ALPL: variants seen among roughly 807,000 people sequenced by gnomAD.
The protein encoded by ALPL is alkaline phosphatase, biomineralization associated.
Under a neutral mutation model 51.3 loss-of-function variants are expected in ALPL, and 42 were observed. The observed-to-expected ratio is 0.82, with a 90% CI of 0.64 to 1.06. The LOEUF is 1.06. Among genes scored for constraint, ALPL ranks in the 50% least tolerant of loss-of-function variants. The pLI is 0.00. For missense variants in ALPL, 589 were observed against 709.4 expected (o/e 0.83, Z 1.93); for synonymous variants, 279 against 296.4 (o/e 0.94, Z 0.60).
At chr1:21,554,802 TG>T (rs879553305) in intron 2 of ALPL, among the ~76,000 whole-genome samples, 13,328 of 37,344 alleles carry the variant, frequency 0.36, 929 homozygotes, top group East Asian at 0.39. Context: ...TCTGTCTGTC[TG>T]TCTGTCTGTC....
rs1294833697 is a variant in ALPL, at chr1:21,527,033, CTTTTCT to C, written c.-105+17520_-105+17525del. Among the ~76,000 whole-genome samples, 201 of 149,292 alleles carry C rather than the reference CTTTTCT, an allele frequency of 1.3e-3. 1 individual carries two copies. The highest frequency in any genetic ancestry group is 4.8e-3 in the African/African-American group (197 of 41,084). On this transcript the variant is annotated intron_variant, in intron 1 of 11. Coordinates refer to ENST00000374840, the MANE Select transcript of ALPL (RefSeq NM_000478.6). ...TATTCTTGTTCTTTTCTTTTCTTTTCTTTTCTTTTCTTTCTTGAGATGGAGTTTCAC... is the reference window on the plus strand; with the variant it reads ...TATTCTTGTTCTTTTCTTTTCTTTTCTTTCTTTCTTGAGATGGAGTTTCAC...
At chr1:21,552,105 T>TCCCCCCCCCCCCCCCCCCCCC (rs1558542001) in intron 1 of ALPL, among the ~76,000 whole-genome samples, 1 of 22,844 alleles carries the variant, frequency 4.4e-5, no homozygotes, top group Non-Finnish European at 7.0e-5. Context: ...TCCCTTCCCT[T>TCCCCCCCCCCCCCCCCCCCCC]TCCTCCCCTT....
chr1:21,547,602 C>G (rs1479186908), intron 1 of ALPL, among the ~76,000 whole-genome samples: 1 of 152,214 alleles, frequency 6.6e-6, no homozygotes, highest in Non-Finnish European at 1.5e-5. Context: ...TCCATTTGTT[C>G]TCGTGAGATG....
At chr1:21,533,599 G>A (rs984570141) in intron 1 of ALPL, among the ~76,000 whole-genome samples, 1 of 152,062 alleles carries the variant, frequency 6.6e-6, no homozygotes, top group African/African-American at 2.4e-5. Flanking sequence ...CAAGACCAAG[G>A]TCTTTCCACC....
intron 9 of ALPL, 139 bp from the exon 10 acceptor site, chr1:21,575,594 C>G (rs1473635847): frequency 9.8e-7 from 1 of 1,017,150 alleles, no homozygotes; most frequent in African/African-American, 1.6e-5. Context: ...GGCTGTGGTG[C>G]TAGCTCAGAG....
intron 1 of ALPL, among the ~76,000 whole-genome samples, chr1:21,528,685 C>A (rs1030933826): frequency 6.6e-5 from 10 of 151,982 alleles, no homozygotes; most frequent in African/African-American, 1.4e-4. Context: ...GTTTTGATAA[C>A]AAGAGGTTTT....
chr1:21,572,979 G>A (rs571842955), intron 8 of ALPL, among the ~76,000 whole-genome samples: 562 of 152,334 alleles, frequency 3.7e-3, no homozygotes, highest in Non-Finnish European at 6.5e-3. Flanking sequence ...TGTGTGCTGA[G>A]CCCTGCAGGC....
At chr1:21,560,801 G>T in intron 3 of ALPL, 56 bp downstream of exon 3, 4 of 1,608,530 alleles carry the variant, frequency 2.5e-6, no homozygotes, top group Non-Finnish European at 3.4e-6. Context: ...TAGGAGCCCC[G>T]GGAGCCAGGC....
At chr1:21,523,999 CTTTTTTT>C (rs10571494) in intron 1 of ALPL, among the ~76,000 whole-genome samples, 3 of 94,544 alleles carry the variant, frequency 3.2e-5, no homozygotes, top group Non-Finnish European at 5.9e-5. Context: ...CAAATCTCTG[CTTTTTTT>C]TTTTTTTTTT....
intron 1 of ALPL, among the ~76,000 whole-genome samples, chr1:21,514,842 A>G (rs944051432): frequency 6.6e-6 from 1 of 151,844 alleles, no homozygotes; most frequent in African/African-American, 2.4e-5. Flanking sequence ...ATACTCACCT[A>G]CCCCCTACTC....
chr1:21,521,949 G>A (rs560324460), intron 1 of ALPL, among the ~76,000 whole-genome samples: 4 of 152,238 alleles, frequency 2.6e-5, no homozygotes, highest in African/African-American at 9.6e-5. Context: ...TACTCGCAGC[G>A]AGTTAACATT....
intron 1 of ALPL, among the ~76,000 whole-genome samples, chr1:21,553,575 A>G (rs950922): frequency 0.2 from 31,133 of 152,160 alleles, 3,862 homozygotes; most frequent in East Asian, 0.49. Context: ...CTTATTAGAA[A>G]TACAATCGGA....
chr1:21,572,108 T>C (rs1045989579), intron 8 of ALPL, among the ~76,000 whole-genome samples: 6 of 152,248 alleles, frequency 3.9e-5, no homozygotes, highest in Admixed American at 3.3e-4. Flanking sequence ...GCTATGATCA[T>C]GCCACTGCAC....
intron 1 of ALPL, among the ~76,000 whole-genome samples, chr1:21,518,833 T>C (rs1192980367): frequency 6.6e-6 from 1 of 152,140 alleles, no homozygotes; most frequent in East Asian, 1.9e-4. Flanking sequence ...GGCTAGAACT[T>C]GGCTTCACTG....
chr1:21,571,696 C>T (rs1034630832), intron 8 of ALPL, among the ~76,000 whole-genome samples: 41 of 144,302 alleles, frequency 2.8e-4, no homozygotes, highest in Non-Finnish European at 5.3e-4. Context: ...AGAACAAACA[C>T]GAAAAAACTT....
At chr1:21,516,531 T>A (rs1643804066) in intron 1 of ALPL, among the ~76,000 whole-genome samples, 1 of 152,152 alleles carries the variant, frequency 6.6e-6, no homozygotes, top group South Asian at 2.1e-4. Flanking sequence ...TATCCCCACA[T>A]TACAGATGAG....
chr1:21,567,961 G>A, intron 6 of ALPL, 143 bp from the exon 7 acceptor site: 1 of 1,089,886 alleles, frequency 9.2e-7, no homozygotes, highest in Admixed American at 1.9e-5. Flanking sequence ...AAGGCCCAGA[G>A]ATGACTGAGG....
chr1:21,517,739 G>T (rs79054263), intron 1 of ALPL, among the ~76,000 whole-genome samples: 251 of 152,134 alleles, frequency 1.6e-3, no homozygotes, highest in African/African-American at 5.3e-3. Flanking sequence ...TCCCTACCAC[G>T]CATGGTTTAT....
chr1:21,562,992 G>A lies in ALPL; in HGVS notation c.298-118G>A, dbSNP rs752627892. On this transcript the variant is annotated intron_variant, in intron 4 of 11. Transcript: ENST00000374840. ...TTCAGTGGGCAGTGGGCCTGGTCAA[G>A]GCTATGGGGTCCTCTCTGGTCCCTC... is the stretch of plus-strand genomic sequence containing the variant. 4.3e-6 allele frequency: 6 copies of A among 1,388,930 alleles called. No homozygotes were observed. In the East Asian group the frequency reaches 1.2e-4, roughly 27 times the overall value. The allele number at this position is 1,388,930 out of a possible 1,614,324, so 86.0% of individuals were successfully genotyped here. A position where few individuals can be genotyped will look rare whatever the true frequency, so the allele number is the denominator to read the frequency against.
Sources: gnomAD v4.1 joint callset for allele counts (sites outside exome capture counted in the v4.1 genomes callset) on GRCh38, gnomAD v4.1.1 for gene constraint, MANE v1.5 for transcripts, NCBI Gene and HGNC (gene_info 2026-07-23, HGNC 2026-07-21) for gene names.